KHDRBS2: variants seen among roughly 807,000 people sequenced by gnomAD.
KHDRBS2 encodes the protein KH RNA binding domain containing, signal transduction associated 2, also known as KH domain-containing, RNA-binding, signal transduction-associated protein 2.
A neutral mutation model predicts 44.3 loss-of-function variants in KHDRBS2; 26 were observed. The ratio of observed to expected loss-of-function variants is 0.59; its 90% confidence interval spans 0.43 to 0.81. KHDRBS2 has a LOEUF of 0.81. Ranked by LOEUF, KHDRBS2 falls within the 40% of genes least tolerant of loss-of-function variation. KHDRBS2 has a pLI of 0.00. For synonymous variants in KHDRBS2, 194 were observed against 151.1 expected (o/e 1.28, Z -2.08); for missense variants, 476 against 433.1 (o/e 1.10, Z -0.88).
chr6:62,213,591 G>A lies in KHDRBS2; in HGVS notation c.92-36279C>T, dbSNP rs1367071142. ...CAAACTGTAGTCATATTTCAGAGAT[G>A]AATCAAGTCTGGGGCATGGTATCCT... On this transcript the variant is annotated intron_variant, in intron 1 of 8. Transcript: ENST00000281156. 2.6e-5 allele frequency among the ~76,000 whole-genome samples: 4 copies of A among 152,042 alleles called. No homozygotes were observed. In the East Asian group the frequency reaches 5.8e-4, roughly 22 times the overall value.
At chr6:61,774,814 C>CA (rs1451659084) in intron 6 of KHDRBS2, among the ~76,000 whole-genome samples, 1 of 152,074 alleles carries the variant, frequency 6.6e-6, no homozygotes. Flanking sequence ...ATCCTGATAC[C>CA]AAAGCCTGGC....
intron 4 of KHDRBS2, among the ~76,000 whole-genome samples, chr6:61,938,811 A>G (rs1811528666): frequency 6.6e-6 from 1 of 152,180 alleles, no homozygotes; most frequent in Non-Finnish European, 1.5e-5. Context: ...CTATAAAGAG[A>G]AAAAAGCAAA....
intron 2 of KHDRBS2, among the ~76,000 whole-genome samples, chr6:62,048,404 T>A (rs559904689): frequency 7.2e-5 from 11 of 151,980 alleles, no homozygotes; most frequent in African/African-American, 2.6e-4. Flanking sequence ...ACCTTCAAAA[T>A]TGTAAAAGTT....
intron 4 of KHDRBS2, among the ~76,000 whole-genome samples, chr6:61,908,567 G>A (rs1296796198): frequency 6.6e-6 from 1 of 151,338 alleles, no homozygotes; most frequent in Admixed American, 6.6e-5. Context: ...CCGGCAGGCG[G>A]AGCTTGCAGT....
At chr6:62,133,075 T>C (rs533322119) in intron 2 of KHDRBS2, among the ~76,000 whole-genome samples, 1 of 152,336 alleles carries the variant, frequency 6.6e-6, no homozygotes, top group African/African-American at 2.4e-5. Context: ...AAACGGGCTT[T>C]TTTTTTAAAT....
chr6:62,099,152 T>C (rs535759479), intron 2 of KHDRBS2, among the ~76,000 whole-genome samples: 1 of 152,282 alleles, frequency 6.6e-6, no homozygotes, highest in Non-Finnish European at 1.5e-5. Flanking sequence ...CGGTACCTTA[T>C]TAGGTCTGTG....
chr6:61,822,274 A>G, intron 6 of KHDRBS2, among the ~76,000 whole-genome samples: 1 of 152,034 alleles, frequency 6.6e-6, no homozygotes, highest in East Asian at 1.9e-4. Flanking sequence ...ACTGTAGCCT[A>G]TCCCAGCAAA....
At chr6:61,953,051 CAG>C (rs1213140792) in intron 4 of KHDRBS2, among the ~76,000 whole-genome samples, 2 of 151,904 alleles carry the variant, frequency 1.3e-5, no homozygotes, top group East Asian at 3.9e-4. Context: ...TAAAATAACT[CAG>C]AGTTAAAAAA....
chr6:62,263,721 C>A (rs750436420), intron 1 of KHDRBS2, among the ~76,000 whole-genome samples: 4 of 151,682 alleles, frequency 2.6e-5, no homozygotes, highest in South Asian at 4.1e-4. Flanking sequence ...TTACTAAATT[C>A]TCTTAATTAC....
rs377247590 is a variant in KHDRBS2, at chr6:61,730,236, G to A, written c.893+2446C>T. On this transcript the variant is annotated intron_variant, in intron 7 of 8. Coordinates refer to ENST00000281156, the MANE Select transcript of KHDRBS2 (RefSeq NM_152688.4). ...TTATCATTATTGTAATATAGACATTGGTATCACTGCAACTAATTTCATCAC... is the reference window on the plus strand; with the variant it reads ...TTATCATTATTGTAATATAGACATTAGTATCACTGCAACTAATTTCATCAC... Among the ~76,000 whole-genome samples the A allele has an allele frequency of 3.3e-5, 5 of 152,074 alleles. No homozygotes were observed. The East Asian group carries it at 9.7e-4, about 29-fold the overall frequency.
At chr6:61,613,855 C>A in the KHDRBS2 span, among the ~76,000 whole-genome samples, 2 of 152,100 alleles carry the variant, frequency 1.3e-5, no homozygotes, top group Admixed American at 1.3e-4. Flanking sequence ...CAACCAACAG[C>A]AACATTGGGA....
chr6:61,673,462 T>C, the KHDRBS2 span, among the ~76,000 whole-genome samples: 23 of 150,692 alleles, frequency 1.5e-4, no homozygotes, highest in African/African-American at 5.6e-4. Flanking sequence ...GGTATTCAAA[T>C]AGGAAAAGAG....
chr6:61,775,092 C>A (rs1462734638), intron 6 of KHDRBS2, among the ~76,000 whole-genome samples: 2 of 152,032 alleles, frequency 1.3e-5, no homozygotes, highest in African/African-American at 4.8e-5. Flanking sequence ...AATTCAACAA[C>A]CCTTCATGCT....
At chr6:61,587,118 C>T in the KHDRBS2 span, among the ~76,000 whole-genome samples, 1 of 152,176 alleles carries the variant, frequency 6.6e-6, no homozygotes, top group South Asian at 2.1e-4. Flanking sequence ...ACACTCTGTG[C>T]TGCTTATCAC....
At chr6:62,180,373 A>C (rs1822019025) in intron 1 of KHDRBS2, among the ~76,000 whole-genome samples, 2 of 151,922 alleles carry the variant, frequency 1.3e-5, no homozygotes, top group African/African-American at 4.8e-5. Context: ...AACATCCAAA[A>C]ATCAGTTCCA....
At chr6:61,690,132 T>TA (rs1767232861) in intron 8 of KHDRBS2, among the ~76,000 whole-genome samples, 1 of 151,950 alleles carries the variant, frequency 6.6e-6, no homozygotes, top group South Asian at 2.1e-4. Context: ...TTAATACACA[T>TA]AAAAATCTCC....
At chr6:61,663,500 CATATATATATATAT>C in the KHDRBS2 span, among the ~76,000 whole-genome samples, 277 of 35,996 alleles carry the variant, frequency 7.7e-3, 33 homozygotes, top group African/African-American at 0.023. Context: ...CATGAGACAC[CATATATATATATAT>C]ATATATATAT....
At chr6:62,232,943 T>C (rs1171667830) in intron 1 of KHDRBS2, among the ~76,000 whole-genome samples, 3 of 151,952 alleles carry the variant, frequency 2.0e-5, no homozygotes, top group African/African-American at 7.3e-5. Flanking sequence ...AACCAAAGAG[T>C]AGCACTTACA....
At chr6:61,751,160 C>T (rs1461192750) in intron 6 of KHDRBS2, among the ~76,000 whole-genome samples, 3 of 152,126 alleles carry the variant, frequency 2.0e-5, no homozygotes, top group African/African-American at 7.2e-5. Context: ...TTGTGACAGT[C>T]TAAAGGAACA....
Sources: gnomAD v4.1 joint callset for allele counts (sites outside exome capture counted in the v4.1 genomes callset) on GRCh38, gnomAD v4.1.1 for gene constraint, MANE v1.5 for transcripts, NCBI Gene and HGNC (gene_info 2026-07-23, HGNC 2026-07-21) for gene names.